ALK: variants seen among roughly 807,000 people sequenced by gnomAD.
ALK encodes ALK receptor tyrosine kinase, also known as ALK tyrosine kinase receptor.
ALK carries 74 observed loss-of-function variants against 163.1 expected under a neutral mutation model. That is an observed-to-expected ratio of 0.45 (90% CI 0.38 to 0.55). The LOEUF (loss-of-function observed/expected upper bound fraction) is 0.55. ALK is among the 20% of genes least tolerant of loss of function. The pLI is 0.00. For synonymous variants in ALK, 960 were observed against 843.2 expected (o/e 1.14, Z -2.40); for missense variants, 2,063 against 2,105.3 (o/e 0.98, Z 0.39).
intron 4 of ALK, among the ~76,000 whole-genome samples, chr2:29,522,385 T>G (rs1336505534): frequency 1.3e-5 from 2 of 152,270 alleles, no homozygotes; most frequent in East Asian, 3.9e-4. Flanking sequence ...AAGTGATTCT[T>G]CCTCTTTCTC....
intron 3 of ALK, among the ~76,000 whole-genome samples, chr2:29,621,686 C>G (rs1178446902): frequency 6.6e-6 from 1 of 152,212 alleles, no homozygotes; most frequent in Admixed American, 6.5e-5. Flanking sequence ...TACTTGCTGG[C>G]CTTCTGATCT....
Position 29,339,456 on chromosome 2 carries a change from C to T in ALK, c.1283-10975G>A, listed in dbSNP as rs148352376. Reference sequence around the variant, plus strand: ...CACAGAGGGTTATGAGGGGTGGCTGCGGAGGGAGGCCAAGGCCCAACCAGG... The same window carrying T: ...CACAGAGGGTTATGAGGGGTGGCTGTGGAGGGAGGCCAAGGCCCAACCAGG... On this transcript the variant is annotated intron_variant, in intron 5 of 28. Coordinates refer to ENST00000389048, the MANE Select transcript of ALK (RefSeq NM_004304.5). Among the ~76,000 whole-genome samples, 524 of 152,058 alleles carry T rather than the reference C, an allele frequency of 3.4e-3. 4 individuals carry two copies. Among genetic ancestry groups the T allele is most frequent in the African/African-American group, 0.011 (456 of 41,474 alleles).
intron 4 of ALK, among the ~76,000 whole-genome samples, chr2:29,509,608 G>C (rs974458029): frequency 3.3e-5 from 5 of 152,092 alleles, no homozygotes; most frequent in Non-Finnish European, 1.5e-5. Context: ...TCTGCCAACT[G>C]CTTCATCAAA....
chr2:29,567,787 C>T (rs116654590), intron 3 of ALK, among the ~76,000 whole-genome samples: 313 of 152,218 alleles, frequency 2.1e-3, no homozygotes, highest in African/African-American at 7.3e-3. Context: ...AGTCTAAATC[C>T]CATTCCGTTT....
intron 5 of ALK, among the ~76,000 whole-genome samples, chr2:29,379,800 G>A (rs185802534): frequency 2.5e-4 from 38 of 152,318 alleles, no homozygotes; most frequent in African/African-American, 7.0e-4. Context: ...TCAAGTCTGC[G>A]TATATGAAGA....
intron 1 of ALK, among the ~76,000 whole-genome samples, chr2:29,830,749 A>AAAAAAAAAAAC (rs1665350950): frequency 9.3e-6 from 1 of 106,952 alleles, no homozygotes; most frequent in African/African-American, 3.4e-5. Flanking sequence ...AAAAAAAAAA[A>AAAAAAAAAAAC]AAAACTTAGC....
intron 8 of ALK, among the ~76,000 whole-genome samples, chr2:29,305,512 C>A (rs991537704): frequency 2.6e-5 from 4 of 152,192 alleles, no homozygotes; most frequent in African/African-American, 9.7e-5. Context: ...GTTCCTAGAG[C>A]AGACTGCAGG....
rs1011835384 is a variant in ALK, at chr2:29,550,003, A to G, written c.953-17887T>C. 2.0e-5 allele frequency among the ~76,000 whole-genome samples: 3 copies of G among 152,162 alleles called. No individual in the cohort carries two copies. The East Asian group carries it at 5.8e-4, about 29-fold the overall frequency. The stretch of plus-strand genomic sequence containing the variant: ...AAAAAGTGCTTCAATTACTATTACA[A>G]TTCAGGTCCCTTTACAAATCTATGG... On this transcript the variant is annotated intron_variant, in intron 3 of 28. Transcript: ENST00000389048.
At chr2:29,769,460 T>C (rs1280950134) in intron 1 of ALK, among the ~76,000 whole-genome samples, 1 of 151,690 alleles carries the variant, frequency 6.6e-6, no homozygotes, top group East Asian at 1.9e-4. Context: ...CTCCCTGTGG[T>C]TGGACAGGAG....
At chr2:29,278,997 C>G (rs111310691) in intron 9 of ALK, among the ~76,000 whole-genome samples, 6,609 of 151,980 alleles carry the variant, frequency 0.043, 198 homozygotes, top group Middle Eastern at 0.065. Flanking sequence ...GGGACAGAAT[C>G]GCGGCTATCC....
intron 4 of ALK, among the ~76,000 whole-genome samples, chr2:29,418,801 T>A (rs62131768): frequency 6.6e-6 from 1 of 151,810 alleles, no homozygotes. Flanking sequence ...TATCTTTGCA[T>A]TGGGTGGTAT....
At chr2:29,689,111 G>C (rs894704290) in intron 3 of ALK, among the ~76,000 whole-genome samples, 5 of 152,036 alleles carry the variant, frequency 3.3e-5, no homozygotes, top group Admixed American at 2.0e-4. Context: ...TCCAGAAACA[G>C]TGGCAAACCC....
chr2:29,513,358 A>G (rs1233385789), intron 4 of ALK, among the ~76,000 whole-genome samples: 1 of 145,940 alleles, frequency 6.9e-6, no homozygotes, highest in Non-Finnish European at 1.5e-5. Flanking sequence ...ATCTACAACT[A>G]TCTGATCTTT....
At chr2:29,385,876 A>G (rs891131571) in intron 4 of ALK, among the ~76,000 whole-genome samples, 1 of 152,196 alleles carries the variant, frequency 6.6e-6, no homozygotes, top group Non-Finnish European at 1.5e-5. Flanking sequence ...GATTATGCCA[A>G]AGCTAACTCT....
intron 8 of ALK, among the ~76,000 whole-genome samples, chr2:29,305,809 G>A (rs1043119950): frequency 6.6e-6 from 1 of 151,558 alleles, no homozygotes; most frequent in Non-Finnish European, 1.5e-5. Context: ...GATGATTCAA[G>A]CACATTACAT....
intron 11 of ALK, among the ~76,000 whole-genome samples, chr2:29,256,935 A>C (rs1437983750): frequency 6.6e-6 from 1 of 152,198 alleles, no homozygotes; most frequent in Non-Finnish European, 1.5e-5. Flanking sequence ...TGGAGTGTTT[A>C]TAAGGTCAGG....
At chr2:29,699,404 G>A (rs1318238727) in intron 2 of ALK, among the ~76,000 whole-genome samples, 1 of 152,176 alleles carries the variant, frequency 6.6e-6, no homozygotes, top group Non-Finnish European at 1.5e-5. Flanking sequence ...CAAATGAAAG[G>A]ACTACCCCAA....
chr2:29,664,897 C>T (rs890778309), intron 3 of ALK, among the ~76,000 whole-genome samples: 1 of 152,118 alleles, frequency 6.6e-6, no homozygotes, highest in Non-Finnish European at 1.5e-5. Flanking sequence ...CAAGGCTGCC[C>T]ACCAGTCTAT....
rs764609819 is a variant in ALK at position 29,850,683 on chromosome 2, T to C, written c.667+69310A>G. Among the ~76,000 whole-genome samples the C allele has an allele frequency of 3.3e-5, 5 of 152,172 alleles. No individual in the cohort carries two copies. In the South Asian group the frequency reaches 6.2e-4, roughly 19 times the overall value. ...TGCAGCCAGGCTCGGGGGTGTTTCC[T>C]CTCCCTAGACTTGGTTGTACCATCT... On this transcript the variant is annotated intron_variant, in intron 1 of 28. Coordinates refer to ENST00000389048, the MANE Select transcript of ALK (RefSeq NM_004304.5).
Sources: gnomAD v4.1 joint callset for allele counts (sites outside exome capture counted in the v4.1 genomes callset) on GRCh38, gnomAD v4.1.1 for gene constraint, MANE v1.5 for transcripts, NCBI Gene and HGNC (gene_info 2026-07-23, HGNC 2026-07-21) for gene names.